The following GNL1 variants were observed in gnomAD, a reference collection of about 807,000 sequenced individuals.
GNL1 encodes the protein guanine nucleotide-binding protein-like 1.
GNL1 carries 21 observed loss-of-function variants against 75.2 expected under a neutral mutation model. The observed-to-expected ratio is 0.28, with a 90% CI of 0.20 to 0.40. The LOEUF is 0.40. Ranked by LOEUF, GNL1 falls within the 10% of genes least tolerant of loss-of-function variation. GNL1 has a pLI of 1.00. For missense variants in GNL1, 579 were observed against 775.0 expected (o/e 0.75, Z 3.00); for synonymous variants, 287 against 303.4 (o/e 0.95, Z 0.56).
chr6:30,547,029 G>C lies in GNL1; in HGVS notation c.1441+83C>G. 1 of 1,310,880 alleles carries C rather than the reference G, an allele frequency of 7.6e-7. No homozygotes were observed. Among genetic ancestry groups the C allele is most frequent in the Non-Finnish European group, 1.1e-6 (1 of 908,442 alleles). 81.2% of individuals were successfully genotyped at this position (1,310,880 alleles called of 1,614,324 possible). Reference sequence around the variant, plus strand: ...GGCAGAATCTCTGAGGAGAGGAAAGGAGACAGGGAAGGGTAAAAGGCGAGG... The same window carrying C: ...GGCAGAATCTCTGAGGAGAGGAAAGCAGACAGGGAAGGGTAAAAGGCGAGG... On this transcript the variant is annotated intron_variant, in intron 10 of 11. Transcript: ENST00000376621. This position sits in a 1 kb window ranked among gnomAD's most constrained non-coding sequence, Gnocchi z 5.5.
In GNL1 at chr6:30,553,379, T is replaced by C. The variant is rs762540586; in HGVS notation, c.779A>G (p.Asp260Gly). 9.3e-6 allele frequency: 15 copies of C among 1,611,642 alleles called. No individual in the cohort carries two copies. In the South Asian group the frequency reaches 1.6e-4, roughly 18 times the overall value. ...ACTAGGGTCCTGTGGGGTGCGGGGG[T>C]CCCGAGGAAAAGAGGTGAAAAGGAC... ...HVVLFTSFPR[D>G]PRTPQDPSSV... The change falls in exon 6 of 12, where the codon GAC (aspartate) becomes GGC (glycine). Residue 260 changes from aspartate to glycine, a missense_variant. Asp to Gly is a moderately conservative substitution (Grantham distance 94, BLOSUM62 -1). Transcript: ENST00000376621.
Position 30,545,926 on chromosome 6 carries a change from A to C in GNL1, c.*146T>G. The C allele has an allele frequency of 1.6e-6, 1 of 642,052 alleles. No homozygotes were observed. The highest frequency in any genetic ancestry group is 1.9e-5 in the South Asian group (1 of 51,968). 39.8% of individuals were successfully genotyped at this position (642,052 alleles called of 1,614,324 possible). ...AAGCCTCCCACAGCTGTTAGCCTGG[A>C]ACAGCCGCTCTCACCTCAGTTCATC... is the stretch of plus-strand genomic sequence containing the variant. On this transcript the variant is annotated 3_prime_UTR_variant, in exon 12 of 12. Transcript: ENST00000376621.
rs373408800 is a variant in GNL1, at chr6:30,552,650, T to A, written c.916A>T (p.Ser306Cys). The A allele has an allele frequency of 1.9e-6, 3 of 1,613,442 alleles. No individual in the cohort carries two copies. Among genetic ancestry groups the A allele is most frequent in the Non-Finnish European group, 2.5e-6 (3 of 1,179,580 alleles). Reference protein sequence around the residue: ...AITVGKVDLSSWREKIARDVA... With the variant: ...AITVGKVDLSCWREKIARDVA... ...TCCCGAGCAATCTTCTCCCGCCAGC[T>A]GCTCAAGTCCACTGCTCAAAGAAGG... The change falls in exon 8 of 12, where the codon AGC (serine) becomes TGC (cysteine). Residue 306 changes from serine to cysteine, a missense_variant. By Grantham distance (112) the Ser-to-Cys change is moderately radical. Transcript: ENST00000376621. This position sits in a 1 kb window ranked among gnomAD's most constrained non-coding sequence, Gnocchi z 4.5.
In GNL1 at chr6:30,546,242, C is replaced by T. The variant is rs759039740; in HGVS notation, c.1654G>A (p.Glu552Lys). 1.3e-5 allele frequency: 21 copies of T among 1,580,402 alleles called. No individual in the cohort carries two copies. In the East Asian group the frequency reaches 2.5e-4, roughly 19 times the overall value. ...LQGRVGPAGD[E>K]EEEEEEELSS... ...AGCTCTTCCTCTTCCTCCTCCTCCT[C>T]GTCACCTGCTGGCCCCACCCTGCCC... The change falls in exon 12 of 12, where the codon GAG becomes AAG. Residue 552 changes from glutamate to lysine, a missense_variant. Glu to Lys is a moderately conservative substitution (Grantham distance 56, BLOSUM62 1). Coordinates refer to ENST00000376621, the MANE Select transcript of GNL1 (RefSeq NM_005275.5). This position sits in a 1 kb window ranked among gnomAD's most constrained non-coding sequence, Gnocchi z 5.1.
In GNL1 at chr6:30,546,532, A is replaced by T; in HGVS notation, c.1582+164T>A. 1 of 709,420 alleles carries T rather than the reference A, an allele frequency of 1.4e-6. No homozygotes were observed. Among genetic ancestry groups the T allele is most frequent in the South Asian group, 1.8e-5 (1 of 55,764 alleles). 43.9% of individuals were successfully genotyped at this position (709,420 alleles called of 1,614,324 possible). A position where few individuals can be genotyped will look rare whatever the true frequency, so the allele number is the denominator to read the frequency against. On this transcript the variant is annotated intron_variant, in intron 11 of 11. Coordinates refer to ENST00000376621, the MANE Select transcript of GNL1 (RefSeq NM_005275.5). This position sits in a 1 kb window ranked among gnomAD's most constrained non-coding sequence, Gnocchi z 5.1. ...TTTACAATCACTATGCTAAGGGTCA[A>T]TTATTACCCTCAGTTTGCAGATCAG...
chr6:30,550,627 T>C (rs561487542), intron 8 of GNL1, among the ~76,000 whole-genome samples: 1 of 152,254 alleles, frequency 6.6e-6, no homozygotes, highest in South Asian at 2.1e-4. Context: ...GGTAAACTTA[T>C]AAGAAACAAA....
At chr6:30,553,230 C>T in intron 6 of GNL1, 51 bp from the exon 7 acceptor site, 3 of 1,467,162 alleles carry the variant, frequency 2.0e-6, no homozygotes, top group African/African-American at 1.4e-5. Flanking sequence ...GGCCTCTCAT[C>T]TCTCCCACCA....
Position 30,554,664 on chromosome 6 carries a change from G to A in GNL1, c.529-18C>T. The A allele has an allele frequency of 6.2e-7, 1 of 1,603,278 alleles. No individual in the cohort carries two copies. Among genetic ancestry groups the A allele is most frequent in the Non-Finnish European group, 8.5e-7 (1 of 1,171,068 alleles). On this transcript the variant is annotated intron_variant, in intron 4 of 11. Transcript: ENST00000376621. ...CTCCATGTCTAAAAAGACAGGATCA[G>A]GAAGAGAAACTGAAAACAGAGTCCC...
chr6:30,547,411 CAG>C lies in GNL1; in HGVS notation c.1217_1218del (p.Ser406CysfsTer5). On this transcript the variant is annotated frameshift_variant, in exon 9 of 12. Coordinates refer to ENST00000376621, the MANE Select transcript of GNL1 (RefSeq NM_005275.5). LOFTEE classifies it high-confidence loss of function. This position sits in a 1 kb window ranked among gnomAD's most constrained non-coding sequence, Gnocchi z 5.5. The stretch of plus-strand genomic sequence containing the variant: ...AGGCCTGGGCAGTCACAGAGCTTCA[CAG>C]AGGGGGTAAGAAAGTAGGTCTGAAA... The part of the protein sequence containing the change: ...RYFQTYFLTP[S>X]VKLCDCPGLI... The C allele has an allele frequency of 6.2e-7, 1 of 1,613,954 alleles. No homozygotes were observed. The highest frequency in any genetic ancestry group is 8.5e-7 in the Non-Finnish European group (1 of 1,179,952).
rs1562701065 is a variant in GNL1 at position 30,546,759 on chromosome 6, G to C, written c.1519C>G (p.Arg507Gly). Residue 507 changes from arginine (R) to glycine (G), a missense_variant, in exon 11 of 12, where the codon CGG becomes GGG. By Grantham distance (125) the Arg-to-Gly change is moderately radical. Transcript: ENST00000376621. The surrounding 1 kb of genome is among the most constrained non-coding windows in gnomAD (Gnocchi z 5.1). ...DVYRAANSLL[R>G]LAVDGRLSLC... ...CTGAGGCGGCCGTCCACTGCCAGCCGCAAGAGACTGTTGGCTGCTCTGTAC... is the reference window on the plus strand; with the variant it reads ...CTGAGGCGGCCGTCCACTGCCAGCCCCAAGAGACTGTTGGCTGCTCTGTAC... 2 of 1,608,782 alleles carry C rather than the reference G, an allele frequency of 1.2e-6. No homozygotes were observed. The highest frequency in any genetic ancestry group is 2.2e-5 in the East Asian group (1 of 44,736).
Position 30,554,617 on chromosome 6 carries a change from C to T in GNL1, c.558G>A (p.Glu186=), listed in dbSNP as rs752988936. 7 of 1,606,772 alleles carry T rather than the reference C, an allele frequency of 4.4e-6. No homozygotes were observed. The highest frequency in any genetic ancestry group is 4.3e-6 in the Non-Finnish European group (5 of 1,174,324). Residue 186 remains glutamate, a synonymous_variant, in exon 5 of 12, where the codon GAG becomes GAA. Transcript: ENST00000376621. ...TGATAAGCAGGACGATGTCAGACAT[C>T]TCTAACACCCGCCACAGCTGCCTCC... ...ETWRQLWRVL[E]MSDIVLLITD...
Position 30,546,123 on chromosome 6 carries a change from G to A in GNL1, c.1773C>T (p.Ser591=), listed in dbSNP as rs1358385537. The change falls in exon 12 of 12, where the codon TCC becomes TCT. Residue 591 remains serine, a synonymous_variant. Transcript: ENST00000376621. This position sits in a 1 kb window ranked among gnomAD's most constrained non-coding sequence, Gnocchi z 5.1. ...CATAAGGGTTTCGGCCAGCCAGGCTGGACCCTGGAGCCGAGGTTGGGGTCT... is the reference window on the plus strand; with the variant it reads ...CATAAGGGTTTCGGCCAGCCAGGCTAGACCCTGGAGCCGAGGTTGGGGTCT... ...DEETPTSAPG[S]SLAGRNPYAL... 2 of 1,577,432 alleles carry A rather than the reference G, an allele frequency of 1.3e-6. No individual in the cohort carries two copies. Among genetic ancestry groups the A allele is most frequent in the East Asian group, 2.3e-5 (1 of 43,072 alleles).
Position 30,556,447 on chromosome 6 carries a change from TGAGAGCCAGTGGCACC to T in GNL1, c.-260_-245del, listed in dbSNP as rs1323579836. 1 of 571,148 alleles carries T rather than the reference TGAGAGCCAGTGGCACC, an allele frequency of 1.8e-6. No individual in the cohort carries two copies. The highest frequency in any genetic ancestry group is 1.9e-5 in the African/African-American group (1 of 51,624). 35.4% of individuals were successfully genotyped at this position (571,148 alleles called of 1,614,324 possible). On this transcript the variant is annotated 5_prime_UTR_variant, in exon 1 of 12. Coordinates refer to ENST00000376621, the MANE Select transcript of GNL1 (RefSeq NM_005275.5). This position sits in a 1 kb window ranked among gnomAD's most constrained non-coding sequence, Gnocchi z 5.7. The stretch of plus-strand genomic sequence containing the variant: ...TGATGCGGGGTGGGCTACTGGCACG[TGAGAGCCAGTGGCACC>T]GAGAGGGCGCCCCGGCGGCGAGGAA...
intron 8 of GNL1, among the ~76,000 whole-genome samples, chr6:30,549,100 C>T (rs1196431735): frequency 2.6e-5 from 4 of 152,118 alleles, no homozygotes; most frequent in African/African-American, 7.2e-5. Flanking sequence ...CAGGTTCAAG[C>T]GATTCTCGTG....
intron 5 of GNL1, among the ~76,000 whole-genome samples, chr6:30,554,110 G>A (rs1460648835): frequency 6.6e-6 from 1 of 152,182 alleles, no homozygotes; most frequent in Non-Finnish European, 1.5e-5. Flanking sequence ...CCCACTGGAG[G>A]ACAAGAGTGA....
chr6:30,547,676 G>A lies in GNL1; in HGVS notation c.1100-146C>T, dbSNP rs935160238. On this transcript the variant is annotated intron_variant, in intron 8 of 11. Coordinates refer to ENST00000376621, the MANE Select transcript of GNL1 (RefSeq NM_005275.5). The surrounding 1 kb of genome is among the most constrained non-coding windows in gnomAD (Gnocchi z 5.5). ...TACAAATCACGCTCTGGGCTGCCAG[G>A]GTTAAATCCTGGCCCTTCCACTTAC... The A allele has an allele frequency of 4.3e-6, 3 of 695,890 alleles. No individual in the cohort carries two copies. Among genetic ancestry groups the A allele is most frequent in the Non-Finnish European group, 7.1e-6 (3 of 420,196 alleles). The allele number at this position is 695,890 out of a possible 1,614,324, so 43.1% of individuals were successfully genotyped here.
Position 30,546,264 on chromosome 6 carries a change from G to A in GNL1, c.1632C>T (p.Gly544=), listed in dbSNP as rs1405288818. 2 of 1,593,736 alleles carry A rather than the reference G, an allele frequency of 1.3e-6. No homozygotes were observed. The highest frequency in any genetic ancestry group is 1.8e-5 in the Admixed American group (1 of 56,700). ...PETTELVVLQ[G]RVGPAGDEEE... is the part of the protein sequence containing the mutation. ...CCTCGTCACCTGCTGGCCCCACCCT[G>A]CCCTGCAAAACCACCAGCTCCGTGG... Residue 544 remains glycine (G), a synonymous_variant, in exon 12 of 12, where the codon GGC becomes GGT. Coordinates refer to ENST00000376621, the MANE Select transcript of GNL1 (RefSeq NM_005275.5). The surrounding 1 kb of genome is among the most constrained non-coding windows in gnomAD (Gnocchi z 5.1).
chr6:30,556,387 T>TA lies in GNL1; in HGVS notation c.-185dup. On this transcript the variant is annotated 5_prime_UTR_variant, in exon 1 of 12. Coordinates refer to ENST00000376621, the MANE Select transcript of GNL1 (RefSeq NM_005275.5). This position sits in a 1 kb window ranked among gnomAD's most constrained non-coding sequence, Gnocchi z 5.7. Reference sequence around the variant, plus strand: ...GGCGATGGAAGGCGGACGGGGGAGATATAGTCACTTCCCTCCAGGAGCGAG... The same window carrying TA: ...GGCGATGGAAGGCGGACGGGGGAGATAATAGTCACTTCCCTCCAGGAGCGAG... 2 of 641,216 alleles carry TA rather than the reference T, an allele frequency of 3.1e-6. No homozygotes were observed. Among genetic ancestry groups the TA allele is most frequent in the South Asian group, 3.7e-5 (2 of 54,230 alleles). The allele number at this position is 641,216 out of a possible 1,614,324, so 39.7% of individuals were successfully genotyped here. A position where few individuals can be genotyped will look rare whatever the true frequency, so the allele number is the denominator to read the frequency against.
intron 5 of GNL1, among the ~76,000 whole-genome samples, chr6:30,553,839 G>A (rs1799957168): frequency 6.6e-6 from 1 of 152,218 alleles, no homozygotes; most frequent in Admixed American, 6.5e-5. Flanking sequence ...TAAAGGCTGG[G>A]ATCGGAAACA....
Sources: allele counts gnomAD v4.1 joint callset (sites outside exome capture counted in the v4.1 genomes callset), GRCh38; gene constraint gnomAD v4.1.1; non-coding constraint Gnocchi (gnomAD v3.1); transcripts MANE v1.5; gene names NCBI Gene and HGNC (gene_info 2026-07-23, HGNC 2026-07-21).